ZCCHC9: variants seen among roughly 807,000 people sequenced by gnomAD.
ZCCHC9 encodes the protein zinc finger CCHC-type containing 9.
A neutral mutation model predicts 30.8 loss-of-function variants in ZCCHC9; 18 were observed. The observed-to-expected ratio is 0.58, with a 90% CI of 0.40 to 0.87. The LOEUF (loss-of-function observed/expected upper bound fraction) is 0.87. Ranked by LOEUF, ZCCHC9 falls within the 40% of genes least tolerant of loss-of-function variation. ZCCHC9 has a pLI of 0.00. For synonymous variants in ZCCHC9, 94 were observed against 106.7 expected (o/e 0.88, Z 0.73); for missense variants, 279 against 331.2 (o/e 0.84, Z 1.22).
At chr5:81,308,457 G>C in intron 2 of ZCCHC9, 104 bp from the exon 3 acceptor site, 3 of 1,352,454 alleles carry the variant, frequency 2.2e-6, no homozygotes, top group Admixed American at 2.8e-5. Flanking sequence ...CAGAAAAATA[G>C]CTTAATAAGA....
intron 2 of ZCCHC9, among the ~76,000 whole-genome samples, chr5:81,306,847 C>T (rs1758094670): frequency 6.6e-6 from 1 of 152,038 alleles, no homozygotes; most frequent in African/African-American, 2.4e-5. Context: ...TAGTAGAGAC[C>T]ACCTTGACTT....
chr5:81,308,078 T>C (rs1396738498), intron 2 of ZCCHC9, among the ~76,000 whole-genome samples: 2 of 149,876 alleles, frequency 1.3e-5, no homozygotes, highest in Non-Finnish European at 3.0e-5. Flanking sequence ...AATCATAATT[T>C]GAATGGAAAT....
At chr5:81,308,412 C>G in intron 2 of ZCCHC9, 149 bp from the exon 3 acceptor site, 1 of 958,374 alleles carries the variant, frequency 1.0e-6, no homozygotes, top group Non-Finnish European at 1.5e-6. Flanking sequence ...TGTTTAGGAA[C>G]GTATGAAAGC....
At chr5:81,311,975 G>A (rs1203881610) in intron 5 of ZCCHC9, among the ~76,000 whole-genome samples, 1 of 152,100 alleles carries the variant, frequency 6.6e-6, no homozygotes, top group African/African-American at 2.4e-5. Context: ...ACAACACTAC[G>A]CAAATAAGTC....
Position 81,308,935 on chromosome 5 carries a change from G to A in ZCCHC9, c.536-11G>A, listed in dbSNP as rs753358546. Reference sequence around the variant, plus strand: ...TATTGTCAACTGAATAGGAACTGTTGATTTTTACAGGCGAATTTCCTTTTG... The same window carrying A: ...TATTGTCAACTGAATAGGAACTGTTAATTTTTACAGGCGAATTTCCTTTTG... On this transcript the variant is annotated splice_polypyrimidine_tract_variant and intron_variant, in intron 3 of 5. Coordinates refer to ENST00000407610, the MANE Select transcript of ZCCHC9 (RefSeq NM_001131035.2). 1.9e-6 allele frequency: 3 copies of A among 1,611,106 alleles called. No individual in the cohort carries two copies. The highest frequency in any genetic ancestry group is 3.4e-5 in the Admixed American group (2 of 59,514).
chr5:81,305,391 G>C (rs1238892232), intron 2 of ZCCHC9, among the ~76,000 whole-genome samples: 2 of 152,142 alleles, frequency 1.3e-5, no homozygotes, highest in Non-Finnish European at 2.9e-5. Context: ...CTGAAGTGCA[G>C]ATAGATTAAA....
intron 4 of ZCCHC9, among the ~76,000 whole-genome samples, chr5:81,310,775 A>G (rs1758256861): frequency 6.6e-6 from 1 of 152,194 alleles, no homozygotes; most frequent in Admixed American, 6.5e-5. Flanking sequence ...TGTACAGTAG[A>G]ACAGTAGTTT....
In ZCCHC9 at chr5:81,311,852, A is replaced by G. The variant is rs114585619; in HGVS notation, c.697+573A>G. Among the ~76,000 whole-genome samples the G allele has an allele frequency of 8.3e-3, 1,266 of 152,316 alleles. 5 individuals carry two copies. The highest frequency in any genetic ancestry group is 0.013 in the Non-Finnish European group (872 of 68,014). ...TTAAGGAAGTGGAGATCATTATTAC[A>G]TTAGTTTGCCTGGACTAGAATGATA... On this transcript the variant is annotated intron_variant, in intron 5 of 5. Coordinates refer to ENST00000407610, the MANE Select transcript of ZCCHC9 (RefSeq NM_001131035.2).
chr5:81,311,537 T>C (rs1390333283), intron 5 of ZCCHC9, among the ~76,000 whole-genome samples: 1 of 152,160 alleles, frequency 6.6e-6, no homozygotes, highest in Non-Finnish European at 1.5e-5. Flanking sequence ...GCATTTATAT[T>C]TGCTAACTAA....
intron 2 of ZCCHC9, among the ~76,000 whole-genome samples, chr5:81,308,062 G>A (rs1285686182): frequency 2.1e-5 from 2 of 94,696 alleles, no homozygotes; most frequent in African/African-American, 7.6e-5. Context: ...TCTATCTTAT[G>A]GTTTGAATCA....
intron 4 of ZCCHC9, 76 bp downstream of exon 4, chr5:81,309,114 GTTCTTGAATAAA>G (rs1272898647): frequency 2.8e-5 from 31 of 1,100,520 alleles, no homozygotes; most frequent in Non-Finnish European, 5.2e-6. Flanking sequence ...CTCAATCACA[GTTCTTGAATAAA>G]TTCTTGAATA....
chr5:81,308,959 T>C lies in ZCCHC9; in HGVS notation c.549T>C (p.Phe183=). Residue 183 remains phenylalanine (F), a synonymous_variant, in exon 4 of 6, where the codon TTT becomes TTC. Coordinates refer to ENST00000407610, the MANE Select transcript of ZCCHC9 (RefSeq NM_001131035.2). ...TGATTTTTACAGGCGAATTTCCTTT[T>C]GCAAAATGTTTTGTTTGTGGAGAAA... ...KVDPALGEFP[F]AKCFVCGEMG... The C allele has an allele frequency of 1.2e-6, 2 of 1,613,196 alleles. No homozygotes were observed. Among genetic ancestry groups the C allele is most frequent in the African/African-American group, 2.7e-5 (2 of 75,040 alleles).
At chr5:81,308,462 A>C (rs983145552) in intron 2 of ZCCHC9, 99 bp from the exon 3 acceptor site, 4 of 1,364,692 alleles carry the variant, frequency 2.9e-6, no homozygotes, top group Middle Eastern at 2.8e-4. Context: ...AAATAGCTTA[A>C]TAAGATGAGA....
chr5:81,308,022 A>ATCTATCTATCTATCT (rs571429540), intron 2 of ZCCHC9, among the ~76,000 whole-genome samples: 16 of 68,346 alleles, frequency 2.3e-4, no homozygotes, highest in Admixed American at 9.6e-4. Context: ...AAAAAAAAAA[A>ATCTATCTATCTATCT]ATCTATCTAT....
At chr5:81,302,543 T>A (rs1350338523) in intron 1 of ZCCHC9, 1 of 152,136 alleles carries the variant, frequency 6.6e-6, no homozygotes, top group Non-Finnish European at 1.5e-5. Flanking sequence ...ACTGGTATAG[T>A]TATGAGAAAT....
intron 4 of ZCCHC9, among the ~76,000 whole-genome samples, chr5:81,309,932 A>G (rs568056392): frequency 1.3e-5 from 2 of 152,194 alleles, no homozygotes; most frequent in Non-Finnish European, 2.9e-5. Context: ...GATACATCTT[A>G]TAATCAGTGG....
chr5:81,311,493 G>T (rs1423612753), intron 5 of ZCCHC9, among the ~76,000 whole-genome samples: 9 of 152,034 alleles, frequency 5.9e-5, no homozygotes. Flanking sequence ...TAAGCCTTAG[G>T]GGACCCTGAC....
intron 5 of ZCCHC9, 60 bp from the exon 6 acceptor site, chr5:81,312,484 C>A: frequency 7.6e-7 from 1 of 1,316,142 alleles, no homozygotes; most frequent in Non-Finnish European, 1.1e-6. Flanking sequence ...CAATAACAAT[C>A]TGAGTGGATG....
chr5:81,303,242 C>T (rs1015121773), intron 1 of ZCCHC9: 2 of 152,244 alleles, frequency 1.3e-5, no homozygotes, highest in Non-Finnish European at 2.9e-5. Context: ...GGGGTTTGAC[C>T]ATGTTGGCCA....
Sources: allele counts gnomAD v4.1 joint callset (sites outside exome capture counted in the v4.1 genomes callset), GRCh38; gene constraint gnomAD v4.1.1; transcripts MANE v1.5; gene names NCBI Gene and HGNC (gene_info 2026-07-23, HGNC 2026-07-21).